Variants in PASD1 observed in about 807,000 individuals in gnomAD.
PASD1 encodes the protein circadian clock protein PASD1.
In PASD1, 13 loss-of-function variants were observed where a neutral mutation model predicts 58.8. That is an observed-to-expected ratio of 0.22 (90% CI 0.14 to 0.35). The LOEUF (loss-of-function observed/expected upper bound fraction) is 0.35. Ranked by LOEUF, PASD1 falls within the 10% of genes least tolerant of loss-of-function variation. The pLI is 1.00. For synonymous variants in PASD1, 236 were observed against 216.7 expected, an observed-to-expected ratio of 1.09 and a Z score of -0.78; for missense variants, 734 against 568.3, an observed-to-expected ratio of 1.29 and a Z score of -2.96.
chrX:151,595,757 G>A (rs1263467558), intron 1 of PASD1, among the ~76,000 whole-genome samples: 2 of 110,534 alleles, frequency 1.8e-5, no homozygotes, highest in African/African-American at 6.6e-5. Context: ...AAACATGTGT[G>A]CAGATTTCTG....
intron 8 of PASD1, among the ~76,000 whole-genome samples, chrX:151,628,589 T>G (rs1602941703): frequency 8.9e-6 from 1 of 112,156 alleles, no homozygotes; most frequent in South Asian, 3.8e-4. Context: ...TTTTGGTTAC[T>G]GTAGCCTTGT....
chrX:151,571,272 C>G (rs1019636489), intron 1 of PASD1, among the ~76,000 whole-genome samples: 1 of 111,915 alleles, frequency 8.9e-6, no homozygotes, highest in African/African-American at 3.2e-5. Context: ...TGGCATTATG[C>G]AAAACAACAT....
chrX:151,574,728 A>G lies in PASD1; in HGVS notation c.-28+10889A>G, dbSNP rs191991904. ...AGGCAAAAATGGTGTGTCCCTCAGA[A>G]AAGGCAAGAATACTATTTGCCTAAA... is the stretch of plus-strand genomic sequence containing the variant. On this transcript the variant is annotated intron_variant, in intron 1 of 15. Transcript: ENST00000370357. Among the ~76,000 whole-genome samples, 72 of 112,525 alleles carry G rather than the reference A, an allele frequency of 6.4e-4. No individual in the cohort carries two copies. In the East Asian group the frequency reaches 0.02, roughly 31 times the overall value.
At chrX:151,653,886 CTTTCTTTCT>C (rs1569413959) in intron 9 of PASD1, among the ~76,000 whole-genome samples, 1 of 39,085 alleles carries the variant, frequency 2.6e-5, no homozygotes, top group African/African-American at 1.1e-4. Flanking sequence ...TTCTTTCTTT[CTTTCTTTCT>C]TTCTTTCTTT....
At chrX:151,654,050 A>G (rs952013062) in intron 9 of PASD1, among the ~76,000 whole-genome samples, 1 of 101,816 alleles carries the variant, frequency 9.8e-6, no homozygotes, top group African/African-American at 3.6e-5. Context: ...GCTCACTGCA[A>G]CTTCTGCTTC....
chrX:151,631,955 A>G (rs1178036689), intron 8 of PASD1, among the ~76,000 whole-genome samples: 1 of 111,771 alleles, frequency 8.9e-6, no homozygotes, highest in Non-Finnish European at 1.9e-5. Flanking sequence ...ATTTATTCAT[A>G]CAGAAAATAG....
chrX:151,565,679 T>C (rs913527248), intron 1 of PASD1, among the ~76,000 whole-genome samples: 11 of 108,002 alleles, frequency 1.0e-4, no homozygotes, highest in Non-Finnish European at 1.9e-4. Flanking sequence ...TGCCTCAGCC[T>C]GCCAAGTAGC....
chrX:151,568,020 C>T (rs781557206), intron 1 of PASD1, among the ~76,000 whole-genome samples: 8 of 112,070 alleles, frequency 7.1e-5, no homozygotes, highest in Non-Finnish European at 1.3e-4. Context: ...CCACCACGCC[C>T]GAACAATTGT....
At chrX:151,623,352 G>C (rs761939471) in intron 7 of PASD1, among the ~76,000 whole-genome samples, 1 of 111,902 alleles carries the variant, frequency 8.9e-6, no homozygotes, top group Admixed American at 9.5e-5. Context: ...TGGAACACAT[G>C]AAGAGAAATG....
intron 8 of PASD1, among the ~76,000 whole-genome samples, chrX:151,641,854 A>T (rs761838687): frequency 4.6e-4 from 51 of 111,598 alleles, no homozygotes; most frequent in African/African-American, 1.6e-3. Context: ...GCGCGCGCGT[A>T]TACCAGACAT....
rs2014468375 is a variant in PASD1, at chrX:151,671,517, C to T, written c.1231-56C>T. The stretch of plus-strand genomic sequence containing the variant: ...TGCTCCATGCCCAGCTTGTCTTATG[C>T]CTTAAGGAAAGGTGTGGACTGTGAA... On this transcript the variant is annotated intron_variant, in intron 12 of 15. Coordinates refer to ENST00000370357, the MANE Select transcript of PASD1 (RefSeq NM_173493.3). 4 of 1,158,713 alleles carry T rather than the reference C, an allele frequency of 3.5e-6. No homozygotes were observed. In the South Asian group the frequency reaches 7.3e-5, roughly 21 times the overall value.
At chrX:151,659,522 C>G (rs748636750) in intron 9 of PASD1, among the ~76,000 whole-genome samples, 191 bp from the exon 10 acceptor site, 29 of 112,240 alleles carry the variant, frequency 2.6e-4, no homozygotes, top group African/African-American at 9.1e-4. Context: ...CATCTATAAT[C>G]TCCGCTTGTT....
chrX:151,664,195 C>T lies in PASD1; in HGVS notation c.918C>T (p.Phe306=), dbSNP rs147926578. 3.3e-6 allele frequency: 4 copies of T among 1,209,434 alleles called. No individual in the cohort carries two copies. In the African/African-American group the frequency reaches 7.0e-5, roughly 21 times the overall value. The part of the protein sequence containing the change: ...LYRADPVDLE[F]SVDQVDSVDQ... ...GGGCAGACCCAGTGGACCTGGAGTTCTCGGTGGATCAGGTGGACTCAGTGG... is the reference window on the plus strand; with the variant it reads ...GGGCAGACCCAGTGGACCTGGAGTTTTCGGTGGATCAGGTGGACTCAGTGG... The change falls in exon 11 of 16, where the codon TTC becomes TTT. Residue 306 remains phenylalanine, a synonymous_variant. Transcript: ENST00000370357.
intron 12 of PASD1, 34 bp downstream of exon 12, chrX:151,671,230 C>A: frequency 8.3e-7 from 1 of 1,198,088 alleles, no homozygotes; most frequent in Admixed American, 2.2e-5. Flanking sequence ...GGTCAGAGAC[C>A]AGTTCTATAT....
intron 11 of PASD1, among the ~76,000 whole-genome samples, chrX:151,666,893 T>G (rs1481140236): frequency 5.6e-5 from 6 of 106,464 alleles, no homozygotes; most frequent in African/African-American, 2.1e-4. Context: ...CCTTTGGGTA[T>G]ATACCCAGTA....
chrX:151,638,952 G>A (rs1394121187), intron 8 of PASD1, among the ~76,000 whole-genome samples: 3 of 111,816 alleles, frequency 2.7e-5, no homozygotes, highest in Admixed American at 9.5e-5. Context: ...TGTTGTTACC[G>A]TCCTGCTCAA....
Position 151,676,466 on chromosome X carries a change from A to G in PASD1, c.*323A>G. 4.6e-6 allele frequency: 1 copy of G among 217,042 alleles called. No homozygotes were observed. Among genetic ancestry groups the G allele is most frequent in the Non-Finnish European group, 8.4e-6 (1 of 119,134 alleles). 17.9% of individuals were successfully genotyped at this position (217,042 alleles called of 1,213,427 possible). A position where few individuals can be genotyped will look rare whatever the true frequency, so the allele number is the denominator to read the frequency against. ...TACCACAGGAAGGTGGCCTGCCAAGAGTCTGCTCAAAGTTTTCAACATAAA... is the reference window on the plus strand; with the variant it reads ...TACCACAGGAAGGTGGCCTGCCAAGGGTCTGCTCAAAGTTTTCAACATAAA... On this transcript the variant is annotated 3_prime_UTR_variant, in exon 16 of 16. Transcript: ENST00000370357.
intron 1 of PASD1, among the ~76,000 whole-genome samples, chrX:151,586,814 T>G (rs1441169982): frequency 1.8e-5 from 2 of 111,531 alleles, no homozygotes; most frequent in Non-Finnish European, 3.8e-5. Flanking sequence ...TCTAGTTCGG[T>G]ATTGATTACT....
chrX:151,612,022 T>A (rs1478894907), intron 4 of PASD1, among the ~76,000 whole-genome samples: 1 of 85,980 alleles, frequency 1.2e-5, no homozygotes, highest in African/African-American at 4.4e-5. Flanking sequence ...CCTGTGTCCA[T>A]GTGTTCTCAT....
Sources: gnomAD v4.1 joint callset for allele counts (sites outside exome capture counted in the v4.1 genomes callset) on GRCh38, gnomAD v4.1.1 for gene constraint, MANE v1.5 for transcripts, NCBI Gene and HGNC (gene_info 2026-07-23, HGNC 2026-07-21) for gene names.